The following CADM2 variants were observed in gnomAD, a reference collection of about 807,000 sequenced individuals.
CADM2 encodes the protein immunoglobulin superfamily member 4D.
Under a neutral mutation model 49.8 loss-of-function variants are expected in CADM2, and 12 were observed. The ratio of observed to expected loss-of-function variants is 0.24; its 90% CI spans 0.15 to 0.39. The LOEUF (loss-of-function observed/expected upper bound fraction) is 0.39. CADM2 is among the 10% of genes least tolerant of loss of function. The pLI, the probability that CADM2 is intolerant of heterozygous loss-of-function variation, is 1.00. For synonymous variants in CADM2, 214 were observed against 175.4 expected, an observed-to-expected ratio of 1.22 and a Z score of -1.74; for missense variants, 378 against 492.3, an observed-to-expected ratio of 0.77 and a Z score of 2.20.
At chr3:85,467,323 A>T (rs1026214287) in intron 1 of CADM2, among the ~76,000 whole-genome samples, 1 of 152,140 alleles carries the variant, frequency 6.6e-6, no homozygotes, top group African/African-American at 2.4e-5. Context: ...TTCTTTTTGT[A>T]TCATTTATTA....
At chr3:86,061,389 A>C (rs1738627640) in intron 8 of CADM2, among the ~76,000 whole-genome samples, 1 of 152,120 alleles carries the variant, frequency 6.6e-6, no homozygotes, top group African/African-American at 2.4e-5. Flanking sequence ...AACATATAAA[A>C]TATATAGACA....
intron 1 of CADM2, among the ~76,000 whole-genome samples, chr3:85,396,039 CATA>C (rs1212093579): frequency 6.7e-6 from 1 of 148,846 alleles, no homozygotes; most frequent in Non-Finnish European, 1.5e-5. Flanking sequence ...ATTTAATTAT[CATA>C]ATGATAATTT....
At chr3:85,105,035 C>A (rs530362304) in intron 1 of CADM2, among the ~76,000 whole-genome samples, 2 of 152,218 alleles carry the variant, frequency 1.3e-5, no homozygotes, top group East Asian at 3.9e-4. Flanking sequence ...ATTTGACTTC[C>A]TCTTTTCCTA....
chr3:85,838,660 G>C (rs2074506724), intron 3 of CADM2, among the ~76,000 whole-genome samples: 1 of 151,636 alleles, frequency 6.6e-6, no homozygotes, highest in South Asian at 2.1e-4. Context: ...TAGTGAGTTT[G>C]ATATGCAGCC....
At chr3:85,287,871 C>G (rs1206612838) in intron 1 of CADM2, among the ~76,000 whole-genome samples, 1 of 148,340 alleles carries the variant, frequency 6.7e-6, no homozygotes, top group African/African-American at 2.5e-5. Flanking sequence ...ACCACATGTT[C>G]TCACTTATAG....
chr3:85,369,516 C>T (rs1467609618), intron 1 of CADM2, among the ~76,000 whole-genome samples: 1 of 152,112 alleles, frequency 6.6e-6, no homozygotes, highest in Non-Finnish European at 1.5e-5. Flanking sequence ...TGCCTGTAAT[C>T]CCAGCACTTT....
At chr3:85,959,851 A>C (rs1724599832) in intron 7 of CADM2, among the ~76,000 whole-genome samples, 1 of 151,924 alleles carries the variant, frequency 6.6e-6, no homozygotes, top group South Asian at 2.1e-4. Flanking sequence ...AGGTTTGTGT[A>C]AATGTAGTCT....
intron 3 of CADM2, among the ~76,000 whole-genome samples, chr3:85,828,665 C>G (rs1284602539): frequency 6.6e-6 from 1 of 151,828 alleles, no homozygotes; most frequent in Non-Finnish European, 1.5e-5. Flanking sequence ...TTGTTTCTCC[C>G]TGACTTCTAT....
intron 6 of CADM2, among the ~76,000 whole-genome samples, chr3:85,931,095 A>G (rs1349603862): frequency 6.6e-6 from 1 of 152,044 alleles, no homozygotes; most frequent in African/African-American, 2.4e-5. Flanking sequence ...ATTGCTGGCC[A>G]TGCATGGTAG....
chr3:85,611,023 C>T (rs553601924), intron 1 of CADM2, among the ~76,000 whole-genome samples: 22 of 151,922 alleles, frequency 1.4e-4, no homozygotes, highest in African/African-American at 4.6e-4. Flanking sequence ...TCAGACACTA[C>T]TGATCATGTA....
chr3:85,280,166 T>C (rs1187671418), intron 1 of CADM2, among the ~76,000 whole-genome samples: 2 of 151,660 alleles, frequency 1.3e-5, no homozygotes, highest in African/African-American at 2.4e-5. Flanking sequence ...AAACTGTACA[T>C]TTTTACTTCT....
intron 1 of CADM2, among the ~76,000 whole-genome samples, chr3:85,535,459 G>A (rs1009276097): frequency 6.6e-6 from 1 of 152,106 alleles, no homozygotes; most frequent in African/African-American, 2.4e-5. Context: ...TATGTGGTTT[G>A]CAGTAGTTTT....
intron 3 of CADM2, among the ~76,000 whole-genome samples, chr3:85,849,280 G>T (rs2075001824): frequency 6.6e-6 from 1 of 152,126 alleles, no homozygotes; most frequent in Non-Finnish European, 1.5e-5. Flanking sequence ...TACTTTCTTA[G>T]AACTGTATTG....
At chr3:85,065,089 T>A (rs1387010262) in intron 1 of CADM2, among the ~76,000 whole-genome samples, 1 of 152,100 alleles carries the variant, frequency 6.6e-6, no homozygotes, top group South Asian at 2.1e-4. Context: ...TTTTAATAGA[T>A]AATACTAATT....
At chr3:86,047,485 G>T (rs1169814910) in intron 8 of CADM2, among the ~76,000 whole-genome samples, 1 of 152,124 alleles carries the variant, frequency 6.6e-6, no homozygotes, top group African/African-American at 2.4e-5. Context: ...GAGTTTGTCA[G>T]TTGCAAACTG....
At chr3:86,065,286 A>T (rs1285401661) in intron 8 of CADM2, among the ~76,000 whole-genome samples, 1 of 152,254 alleles carries the variant, frequency 6.6e-6, no homozygotes, top group East Asian at 1.9e-4. Flanking sequence ...AAATATGCAG[A>T]CATACACACA....
chr3:85,320,400 C>A (rs1042926496), intron 1 of CADM2, among the ~76,000 whole-genome samples: 4 of 152,272 alleles, frequency 2.6e-5, no homozygotes, highest in South Asian at 4.1e-4. Context: ...TGGTTTAAAA[C>A]TGATTGGCAT....
chr3:85,222,179 G>A lies in CADM2; in HGVS notation c.61+262511G>A, dbSNP rs560604563. Among the ~76,000 whole-genome samples, 5 of 152,262 alleles carry A rather than the reference G, an allele frequency of 3.3e-5. No homozygotes were observed. The South Asian group carries it at 8.3e-4, about 25-fold the overall frequency. On this transcript the variant is annotated intron_variant, in intron 1 of 9. Transcript: ENST00000383699. ...TGTTGGCTTTGTTACTGTGACCAGC[G>A]TGAGAATACGTCTGTCGTATATCTG...
chr3:85,738,099 CT>C (rs1249936870), intron 2 of CADM2, among the ~76,000 whole-genome samples: 1 of 151,828 alleles, frequency 6.6e-6, no homozygotes, highest in East Asian at 1.9e-4. Flanking sequence ...CAGAAGTTAT[CT>C]TGGGAAAGAC....
Sources: allele counts gnomAD v4.1 joint callset (sites outside exome capture counted in the v4.1 genomes callset), GRCh38; gene constraint gnomAD v4.1.1; transcripts MANE v1.5; gene names NCBI Gene and HGNC (gene_info 2026-07-23, HGNC 2026-07-21).